The following LRRC8A variants were observed in gnomAD, a reference collection of about 807,000 sequenced individuals.
LRRC8A encodes volume-regulated anion channel subunit LRRC8A.
Under a neutral mutation model 52.5 loss-of-function variants are expected in LRRC8A, and 24 were observed. That is an observed-to-expected ratio of 0.46 (90% CI 0.33 to 0.64). LRRC8A has a LOEUF of 0.64. Ranked by LOEUF, LRRC8A falls within the 30% of genes least tolerant of loss-of-function variation. LRRC8A has a pLI of 0.02. For synonymous variants in LRRC8A, 492 were observed against 494.2 expected (o/e 1.00, Z 0.06); for missense variants, 677 against 1,094.7 (o/e 0.62, Z 5.38).
At chr9:128,903,422 T>C (rs1840106293) in intron 2 of LRRC8A, among the ~76,000 whole-genome samples, 1 of 150,306 alleles carries the variant, frequency 6.7e-6, no homozygotes, top group African/African-American at 2.4e-5. Flanking sequence ...CTTTTTTTTT[T>C]TTTTTTTTGA....
At position 128,916,279 on chromosome 9, in the gene LRRC8A, C is replaced by A. The variant is rs1270591318; in HGVS notation, c.2341C>A (p.Arg781Ser). 1 of 1,613,738 alleles carries A rather than the reference C, an allele frequency of 6.2e-7. No homozygotes were observed. Among genetic ancestry groups the A allele is most frequent in the South Asian group, 1.1e-5 (1 of 91,070 alleles). The part of the protein sequence containing the change: ...VELGECPLLK[R>S]SGLVVEEDLF... ...GCTGGGCGAGTGCCCACTGCTCAAG[C>A]GCAGCGGCTTGGTGGTGGAGGAGGA... Residue 781 changes from arginine (R) to serine (S), a missense_variant, in exon 4 of 4, where the codon CGC becomes AGC. Physicochemically the swap from Arg to Ser is moderately radical, Grantham distance 110. Around this residue, in one of 4 missense-constraint regions of LRRC8A, gnomAD observed 169 missense variants for 217.6 expected, o/e 0.78. Coordinates refer to ENST00000372600, the MANE Select transcript of LRRC8A (RefSeq NM_019594.4). The surrounding 1 kb of genome is among the most constrained non-coding windows in gnomAD (Gnocchi z 6.1).
At chr9:128,887,888 C>T (rs1315055226) in intron 2 of LRRC8A, among the ~76,000 whole-genome samples, 1 of 151,386 alleles carries the variant, frequency 6.6e-6, no homozygotes, top group Non-Finnish European at 1.5e-5. Context: ...TGTGATCCGC[C>T]GCCTTGGCCT....
intron 2 of LRRC8A, among the ~76,000 whole-genome samples, chr9:128,894,249 T>C (rs919991357): frequency 2.7e-5 from 4 of 150,564 alleles, no homozygotes; most frequent in African/African-American, 7.3e-5. Flanking sequence ...TTTGGGAGGC[T>C]GAGGCAGGCA....
chr9:128,897,858 C>G (rs1839876779), intron 2 of LRRC8A, among the ~76,000 whole-genome samples: 2 of 150,410 alleles, frequency 1.3e-5, no homozygotes, highest in Non-Finnish European at 1.5e-5. Context: ...AATCTTTTTT[C>G]TTAATTATGA....
At chr9:128,898,031 G>GAT (rs1307207504) in intron 2 of LRRC8A, among the ~76,000 whole-genome samples, 7 of 117,202 alleles carry the variant, frequency 6.0e-5, no homozygotes, top group African/African-American at 2.3e-4. Flanking sequence ...TCACTTCTAA[G>GAT]ATTGTTCAGT....
intron 3 of LRRC8A, among the ~76,000 whole-genome samples, chr9:128,914,209 C>T (rs1382186858): frequency 6.6e-5 from 10 of 150,732 alleles, no homozygotes; most frequent in African/African-American, 2.2e-4. Flanking sequence ...CCCCCGCCCC[C>T]GCCCCCCAAA....
intron 3 of LRRC8A, 114 bp downstream of exon 3, chr9:128,909,435 G>A (rs1054302409): frequency 2.9e-6 from 3 of 1,028,084 alleles, no homozygotes; most frequent in African/African-American, 3.2e-5. Context: ...CCTGAGTGTG[G>A]AGTCCTCACC....
intron 2 of LRRC8A, among the ~76,000 whole-genome samples, chr9:128,896,014 T>G (rs1201286228): frequency 6.6e-6 from 1 of 152,270 alleles, no homozygotes; most frequent in Non-Finnish European, 1.5e-5. Context: ...CACTTGAATG[T>G]GCGCAGGCAC....
intron 2 of LRRC8A, among the ~76,000 whole-genome samples, chr9:128,886,875 A>G (rs1052780469): frequency 6.6e-6 from 1 of 152,118 alleles, no homozygotes; most frequent in African/African-American, 2.4e-5. Flanking sequence ...GGCAGTGGCC[A>G]TTATCTCCAG....
rs745404515 is a variant in LRRC8A, at chr9:128,907,605, G to A, written c.441G>A (p.Pro147=). 5.7e-5 allele frequency: 92 copies of A among 1,614,002 alleles called. No homozygotes were observed. The highest frequency in any genetic ancestry group is 3.3e-4 in the Middle Eastern group (2 of 6,084). The stretch of plus-strand genomic sequence containing the variant: ...GCAGCAACTTCTGGTTCAAATTCCC[G>A]CGCACCAGCTCGAAGCTGGAGCACT... The part of the protein sequence containing the change: ...LACSNFWFKF[P]RTSSKLEHFV... The change falls in exon 3 of 4, where the codon CCG becomes CCA. Residue 147 remains proline (P), a synonymous_variant. Transcript: ENST00000372600. The surrounding 1 kb of genome is among the most constrained non-coding windows in gnomAD (Gnocchi z 9.3).
intron 2 of LRRC8A, among the ~76,000 whole-genome samples, chr9:128,903,756 G>A (rs566443505): frequency 4.6e-5 from 7 of 151,772 alleles, no homozygotes; most frequent in East Asian, 2.0e-4. Context: ...GGCCGGGCAC[G>A]GTGGCTCACG....
At position 128,917,116 on chromosome 9, in the gene LRRC8A, CT is replaced by C. The variant is rs1218937187; in HGVS notation, c.*747del. 7.1e-6 allele frequency: 1 copy of C among 141,294 alleles called. No individual in the cohort carries two copies. The highest frequency in any genetic ancestry group is 2.7e-5 in the African/African-American group (1 of 37,516). The allele number at this position is 141,294 out of a possible 1,614,324, so 8.8% of individuals were successfully genotyped here. ...TTGGGTATTAAAAAGAAAAAAAAAA[CT>C]TAAAAAAAAAAAGACACTAACGGCC... On this transcript the variant is annotated 3_prime_UTR_variant, in exon 4 of 4. Coordinates refer to ENST00000372600, the MANE Select transcript of LRRC8A (RefSeq NM_019594.4).
chr9:128,900,208 C>T (rs572579677), intron 2 of LRRC8A, among the ~76,000 whole-genome samples: 78 of 152,342 alleles, frequency 5.1e-4, no homozygotes, highest in Admixed American at 1.0e-3. Context: ...GCTGGCCTCT[C>T]CACCACACCG....
At chr9:128,891,428 G>A (rs1299103178) in intron 2 of LRRC8A, among the ~76,000 whole-genome samples, 2 of 152,128 alleles carry the variant, frequency 1.3e-5, no homozygotes, top group Non-Finnish European at 2.9e-5. Context: ...CAGGTGTGGT[G>A]GCACATGCCT....
At chr9:128,905,458 T>A (rs969533472) in intron 2 of LRRC8A, among the ~76,000 whole-genome samples, 2 of 152,242 alleles carry the variant, frequency 1.3e-5, no homozygotes, top group African/African-American at 2.4e-5. Context: ...GCGTGCCTCC[T>A]GTGTAGCACA....
intron 2 of LRRC8A, among the ~76,000 whole-genome samples, chr9:128,895,114 A>G (rs563546604): frequency 6.6e-6 from 1 of 152,308 alleles, no homozygotes; most frequent in East Asian, 1.9e-4. Context: ...TCTTTCGCAG[A>G]TAACACATTT....
At chr9:128,903,919 T>C (rs184064419) in intron 2 of LRRC8A, among the ~76,000 whole-genome samples, 1,719 of 152,110 alleles carry the variant, frequency 0.011, 19 homozygotes, top group South Asian at 0.061. Context: ...TCCCAGCCAC[T>C]TGGGAGATTG....
At position 128,916,405 on chromosome 9, in the gene LRRC8A, C is replaced by T. The variant is rs1473314495; in HGVS notation, c.*34C>T. The stretch of plus-strand genomic sequence containing the variant: ...GGCCCAGCACAGCAAGCAGCAGGAC[C>T]GCTGCCCAGTCCTCAGGCCCGGAGG... On this transcript the variant is annotated 3_prime_UTR_variant, in exon 4 of 4. Transcript: ENST00000372600. The surrounding 1 kb of genome is among the most constrained non-coding windows in gnomAD (Gnocchi z 6.1). 14 of 1,586,820 alleles carry T rather than the reference C, an allele frequency of 8.8e-6. No individual in the cohort carries two copies. The highest frequency in any genetic ancestry group is 2.3e-4 in the Middle Eastern group (1 of 4,394).
Position 128,908,709 on chromosome 9 carries a change from G to A in LRRC8A, c.1545G>A (p.Leu515=). The part of the protein sequence containing the change: ...IKEIPLWIYS[L]KTLEELHLTG... ...AGATCCCGCTGTGGATCTATAGCCT[G>A]AAGACACTGGAGGAGCTGCACCTGA... The change falls in exon 3 of 4, where the codon CTG becomes CTA. Residue 515 remains leucine, a synonymous_variant. Coordinates refer to ENST00000372600, the MANE Select transcript of LRRC8A (RefSeq NM_019594.4). 1 of 1,613,074 alleles carries A rather than the reference G, an allele frequency of 6.2e-7. No individual in the cohort carries two copies. Among genetic ancestry groups the A allele is most frequent in the South Asian group, 1.1e-5 (1 of 91,084 alleles).
Sources: allele counts gnomAD v4.1 joint callset (sites outside exome capture counted in the v4.1 genomes callset), GRCh38; gene constraint gnomAD v4.1.1; regional missense constraint gnomAD v4.1.1; non-coding constraint Gnocchi (gnomAD v3.1); transcripts MANE v1.5; gene names NCBI Gene and HGNC (gene_info 2026-07-23, HGNC 2026-07-21).